The following TP63 variants were observed in gnomAD, a reference collection of about 807,000 sequenced individuals.
The protein encoded by TP63 is tumor protein 63.
Under a neutral mutation model 82.8 loss-of-function variants are expected in TP63, and 17 were observed. The observed-to-expected ratio is 0.21, with a 90% CI of 0.14 to 0.31. The LOEUF is 0.31. Among genes scored for constraint, TP63 ranks in the 10% least tolerant of loss-of-function variants. The probability of loss-of-function intolerance (pLI) is 1.00; values close to 1 mark genes in which losing one functional copy is unlikely to be tolerated. For synonymous variants in TP63, 330 were observed against 321.7 expected (o/e 1.03, Z -0.28); for missense variants, 648 against 895.3 (o/e 0.72, Z 3.52).
At chr3:189,766,784 C>T (rs1576908286) in intron 3 of TP63, among the ~76,000 whole-genome samples, 1 of 152,106 alleles carries the variant, frequency 6.6e-6, no homozygotes, top group Non-Finnish European at 1.5e-5. Flanking sequence ...ACCTACCTAC[C>T]ACTTTGAAAC....
chr3:189,799,832 T>A (rs1726097960), intron 3 of TP63, among the ~76,000 whole-genome samples: 1 of 152,176 alleles, frequency 6.6e-6, no homozygotes, highest in African/African-American at 2.4e-5. Flanking sequence ...TCAGTTGTAT[T>A]AGAATAAAAG....
intron 4 of TP63, among the ~76,000 whole-genome samples, chr3:189,847,096 G>A (rs751634585): frequency 2.2e-4 from 34 of 152,092 alleles, no homozygotes; most frequent in Non-Finnish European, 4.7e-4. Flanking sequence ...AGTGTCTCAC[G>A]CCTATAATCC....
chr3:189,624,113 C>A, the TP63 span, among the ~76,000 whole-genome samples: 1 of 151,892 alleles, frequency 6.6e-6, no homozygotes, highest in African/African-American at 2.4e-5. Flanking sequence ...CCTCATATAC[C>A]TACATATGTT....
chr3:189,625,194 C>A, the TP63 span, among the ~76,000 whole-genome samples: 1 of 152,092 alleles, frequency 6.6e-6, no homozygotes, highest in Admixed American at 6.6e-5. Context: ...CTCTGCAAAT[C>A]TTGACATTTA....
intron 13 of TP63, among the ~76,000 whole-genome samples, chr3:189,891,342 C>G (rs1354691111): frequency 1.3e-5 from 2 of 152,214 alleles, no homozygotes; most frequent in East Asian, 3.9e-4. Context: ...GAATAGAACA[C>G]AAACGTGTAA....
intron 1 of TP63, among the ~76,000 whole-genome samples, chr3:189,695,584 A>G (rs372377232): frequency 1.3e-5 from 2 of 152,178 alleles, no homozygotes; most frequent in African/African-American, 2.4e-5. Flanking sequence ...AAATATATGG[A>G]TATATACTGA....
chr3:189,615,252 A>G, the TP63 span, among the ~76,000 whole-genome samples: 5 of 152,226 alleles, frequency 3.3e-5, no homozygotes, highest in East Asian at 9.7e-4. Context: ...CAGTCTCTTG[A>G]ATATTCCTGG....
chr3:189,717,914 G>A (rs913315001), intron 1 of TP63, among the ~76,000 whole-genome samples: 9 of 152,228 alleles, frequency 5.9e-5, no homozygotes, highest in African/African-American at 2.2e-4. Flanking sequence ...ATGTGTTAAT[G>A]TGGAAAAATG....
At chr3:189,856,688 A>G (rs1017480057) in intron 4 of TP63, among the ~76,000 whole-genome samples, 7 of 152,098 alleles carry the variant, frequency 4.6e-5, no homozygotes, top group African/African-American at 1.7e-4. Context: ...GTCATTATAC[A>G]TGAATTAATT....
chr3:189,641,447 G>T (rs957348199), intron 1 of TP63, among the ~76,000 whole-genome samples: 1 of 152,062 alleles, frequency 6.6e-6, no homozygotes, highest in African/African-American at 2.4e-5. Flanking sequence ...CACAAATGAA[G>T]TGTTTCTAAT....
At chr3:189,791,319 G>A (rs1725117274) in intron 3 of TP63, among the ~76,000 whole-genome samples, 2 of 152,096 alleles carry the variant, frequency 1.3e-5, no homozygotes, top group South Asian at 2.1e-4. Context: ...TCTAAGTGAA[G>A]CACAAGGTTG....
At chr3:189,601,261 T>C in the TP63 span, among the ~76,000 whole-genome samples, 55 of 152,270 alleles carry the variant, frequency 3.6e-4, 1 homozygote, top group African/African-American at 1.3e-3. Context: ...GCTTCTAAAT[T>C]GTTTCCCTTT....
At position 189,895,145 on chromosome 3, in the gene TP63, G is replaced by A; in HGVS notation, c.*643G>A. 1 of 221,032 alleles carries A rather than the reference G, an allele frequency of 4.5e-6. No individual in the cohort carries two copies. The highest frequency in any genetic ancestry group is 9.1e-6 in the Non-Finnish European group (1 of 110,278). The allele number at this position is 221,032 out of a possible 1,614,324, so 13.7% of individuals were successfully genotyped here. A position where few individuals can be genotyped will look rare whatever the true frequency, so the allele number is the denominator to read the frequency against. On this transcript the variant is annotated 3_prime_UTR_variant, in exon 14 of 14. Transcript: ENST00000264731. Reference sequence around the variant, plus strand: ...TGCTTATTATGTAGGTAAGACTGTAGATATGTATTCTTTTCTCAGTGTTGG... The same window carrying A: ...TGCTTATTATGTAGGTAAGACTGTAAATATGTATTCTTTTCTCAGTGTTGG...
intron 4 of TP63, chr3:189,829,963 T>C: frequency 2.9e-6 from 1 of 345,886 alleles, no homozygotes; most frequent in Non-Finnish European, 6.0e-6. Context: ...TTTTCTTAAA[T>C]TGTATAAAGA....
intron 3 of TP63, among the ~76,000 whole-genome samples, chr3:189,797,941 C>T (rs1725879178): frequency 6.6e-6 from 1 of 152,052 alleles, no homozygotes; most frequent in African/African-American, 2.4e-5. Flanking sequence ...CAGATTCCCC[C>T]ATTCAGGATA....
chr3:189,672,550 C>T (rs539842127), intron 1 of TP63, among the ~76,000 whole-genome samples: 195 of 149,906 alleles, frequency 1.3e-3, no homozygotes, highest in Non-Finnish European at 1.7e-3. Flanking sequence ...TACAGTGAGC[C>T]GAGATCATGC....
At chr3:189,818,577 G>A (rs753741227) in intron 4 of TP63, among the ~76,000 whole-genome samples, 25 of 151,870 alleles carry the variant, frequency 1.6e-4, no homozygotes, top group Non-Finnish European at 3.4e-4. Flanking sequence ...CAAAATTTTC[G>A]TAGGAAAATT....
intron 4 of TP63, among the ~76,000 whole-genome samples, chr3:189,828,737 G>A (rs1271512423): frequency 1.3e-5 from 2 of 152,164 alleles, no homozygotes; most frequent in African/African-American, 4.8e-5. Context: ...GCTGCTTTGA[G>A]CTTCAGTTTT....
At chr3:189,760,740 C>T (rs550672389) in intron 3 of TP63, among the ~76,000 whole-genome samples, 2 of 152,298 alleles carry the variant, frequency 1.3e-5, no homozygotes, top group East Asian at 3.9e-4. Flanking sequence ...TGGGGGCTCC[C>T]ACTCCATATA....
Sources: gnomAD v4.1 joint callset for allele counts (sites outside exome capture counted in the v4.1 genomes callset) on GRCh38, gnomAD v4.1.1 for gene constraint, MANE v1.5 for transcripts, NCBI Gene and HGNC (gene_info 2026-07-23, HGNC 2026-07-21) for gene names.